Variants in PKD1L3 observed in about 807,000 individuals in gnomAD.
PKD1L3 encodes the protein polycystin-1-like protein 3.
Under a neutral mutation model 184.1 loss-of-function variants are expected in PKD1L3, and 239 were observed. The ratio of observed to expected loss-of-function variants is 1.30; its 90% CI spans 1.17 to 1.45. The LOEUF (loss-of-function observed/expected upper bound fraction) is 1.45. Ranked by LOEUF, PKD1L3 falls within the 40% of genes most tolerant of loss-of-function variation. The pLI is 0.00. For synonymous variants in PKD1L3, 996 were observed against 778.8 expected (o/e 1.28, Z -4.64); for missense variants, 2,660 against 2,067.2 (o/e 1.29, Z -5.56).
At chr16:71,963,029 CTTCT>C (rs2039342287) in intron 16 of PKD1L3, among the ~76,000 whole-genome samples, 172 bp downstream of exon 16, 1 of 152,004 alleles carries the variant, frequency 6.6e-6, no homozygotes, top group Non-Finnish European at 1.5e-5. Context: ...TTTTGTCTTC[CTTCT>C]GATTTTTAAG....
rs2040188232 is a variant in PKD1L3 at position 71,982,199 on chromosome 16, CCTCA to C, written c.999_1002del (p.Ser333ArgfsTer49). On this transcript the variant is annotated frameshift_variant, in exon 7 of 30. Transcript: ENST00000620267. LOFTEE classifies it high-confidence loss of function. ...TTCTGAAATGGGATCCTGAGTAACT[CCTCA>C]CTCAGGTAAATAAGGGAATTGATGA... 6.5e-7 allele frequency: 1 copy of C among 1,549,340 alleles called. No individual in the cohort carries two copies. The highest frequency in any genetic ancestry group is 8.7e-7 in the Non-Finnish European group (1 of 1,146,032).
intron 3 of PKD1L3, 94 bp downstream of exon 3, chr16:71,993,122 A>G (rs2143865874): frequency 5.6e-6 from 5 of 891,698 alleles, no homozygotes; most frequent in South Asian, 5.4e-5. Flanking sequence ...GGCACATGTT[A>G]TAACACATTT....
chr16:71,937,129 C>T (rs182684576), intron 25 of PKD1L3, among the ~76,000 whole-genome samples, 163 bp downstream of exon 25: 342 of 152,276 alleles, frequency 2.2e-3, no homozygotes, highest in Non-Finnish European at 3.2e-3. Flanking sequence ...GATCTTAGCT[C>T]ACTGCAACCT....
intron 22 of PKD1L3, 76 bp downstream of exon 22, chr16:71,947,416 T>G (rs1295056896): frequency 2.1e-6 from 2 of 952,796 alleles, no homozygotes; most frequent in African/African-American, 3.2e-5. Flanking sequence ...ATGGGTTAAT[T>G]TATCGAGTCA....
chr16:71,968,848 G>A (rs147093379), intron 13 of PKD1L3, among the ~76,000 whole-genome samples: 1,610 of 152,110 alleles, frequency 0.011, 33 homozygotes, highest in African/African-American at 0.036. Flanking sequence ...CACCTGCCTC[G>A]GCCTCCCAGT....
At chr16:71,963,423 C>CA (rs2143535861) in intron 15 of PKD1L3, 72 bp from the exon 16 acceptor site, 1 of 1,394,626 alleles carries the variant, frequency 7.2e-7, no homozygotes, top group East Asian at 2.6e-5. Flanking sequence ...GACGTAATCT[C>CA]AGACCATTAG....
chr16:71,947,431 G>C (rs1390820489), intron 22 of PKD1L3, 61 bp downstream of exon 22: 11 of 1,077,792 alleles, frequency 1.0e-5, no homozygotes, highest in African/African-American at 1.6e-5. Flanking sequence ...GAGTCAGCAA[G>C]GTGGCCAGAT....
chr16:71,978,034 A>C (rs986489417), intron 10 of PKD1L3, among the ~76,000 whole-genome samples: 4 of 152,114 alleles, frequency 2.6e-5, no homozygotes, highest in Admixed American at 1.3e-4. Flanking sequence ...TCAGCCTCCC[A>C]AAGTGCTGGG....
chr16:71,982,331 G>T, intron 6 of PKD1L3, 96 bp from the exon 7 acceptor site: 1 of 1,131,458 alleles, frequency 8.8e-7, no homozygotes, highest in South Asian at 1.8e-5. Context: ...TGTTGCCCAG[G>T]CTAGAGTGCA....
chr16:71,943,477 G>T (rs527775385), intron 23 of PKD1L3, among the ~76,000 whole-genome samples: 146 of 140,884 alleles, frequency 1.0e-3, no homozygotes, highest in Non-Finnish European at 1.9e-3. Flanking sequence ...GGCACAGGAT[G>T]CAGTGAGCTG....
chr16:71,958,757 G>A (rs10852508), intron 16 of PKD1L3, among the ~76,000 whole-genome samples: 33,798 of 136,798 alleles, frequency 0.25, 4,966 homozygotes, highest in East Asian at 0.65. Context: ...CTCCAGCCTA[G>A]GCGATAGAGC....
At chr16:71,982,600 A>C (rs2040204427) in intron 6 of PKD1L3, among the ~76,000 whole-genome samples, 1 of 149,732 alleles carries the variant, frequency 6.7e-6, no homozygotes, top group African/African-American at 2.5e-5. Context: ...TTGCTTTTTA[A>C]AATTTTACTT....
chr16:71,954,826 G>C (rs972788314), intron 16 of PKD1L3, among the ~76,000 whole-genome samples: 4 of 152,176 alleles, frequency 2.6e-5, no homozygotes, highest in African/African-American at 9.7e-5. Context: ...AGAAGCCACA[G>C]GATTACTGAG....
chr16:71,996,097 T>C (rs538715184), intron 2 of PKD1L3, among the ~76,000 whole-genome samples: 1 of 152,152 alleles, frequency 6.6e-6, no homozygotes, highest in Non-Finnish European at 1.5e-5. Flanking sequence ...TATATTCACA[T>C]GCCGATGTAA....
chr16:71,997,528 C>T (rs892379871), intron 2 of PKD1L3, among the ~76,000 whole-genome samples: 2 of 152,092 alleles, frequency 1.3e-5, no homozygotes, highest in East Asian at 3.9e-4. Context: ...GCAGGCGGAT[C>T]ATCTGAGGTT....
intron 28 of PKD1L3, chr16:71,930,826 G>A (rs2037926437): frequency 6.6e-6 from 1 of 152,016 alleles, no homozygotes; most frequent in Non-Finnish European, 1.5e-5. Context: ...ATTTTCCCTT[G>A]GTATTGGCCC....
chr16:71,944,111 G>C lies in PKD1L3; in HGVS notation c.3778C>G (p.Pro1260Ala). The change falls in exon 23 of 30, where the codon CCA becomes GCA. Residue 1260 changes from proline to alanine, a missense_variant. Coordinates refer to ENST00000620267, the MANE Select transcript of PKD1L3 (RefSeq NM_181536.2). ...RDKNNPVYVAPAINSPTKHPE... is the reference protein window; with the variant it reads ...RDKNNPVYVAAAINSPTKHPE... ...TGCTTAGTTGGACTATTTATAGCTG[G>C]GGCTACATAGACGGGGTTGTTCTTA... 6.4e-7 allele frequency: 1 copy of C among 1,551,428 alleles called. No homozygotes were observed. The highest frequency in any genetic ancestry group is 8.7e-7 in the Non-Finnish European group (1 of 1,146,638).
At chr16:71,965,474 C>G (rs550324653) in intron 15 of PKD1L3, among the ~76,000 whole-genome samples, 1 of 152,092 alleles carries the variant, frequency 6.6e-6, no homozygotes, top group South Asian at 2.1e-4. Context: ...TCTGAAGTGG[C>G]CATACCATTT....
intron 6 of PKD1L3, among the ~76,000 whole-genome samples, chr16:71,982,739 G>A (rs1427810464): frequency 1.3e-5 from 2 of 151,988 alleles, no homozygotes; most frequent in Non-Finnish European, 2.9e-5. Flanking sequence ...TAGGACACAG[G>A]TGGGTACCAC....
Sources: gnomAD v4.1 joint callset for allele counts (sites outside exome capture counted in the v4.1 genomes callset) on GRCh38, gnomAD v4.1.1 for gene constraint, MANE v1.5 for transcripts, NCBI Gene and HGNC (gene_info 2026-07-23, HGNC 2026-07-21) for gene names.